Variants in PPARD observed in about 807,000 individuals in gnomAD.
PPARD encodes the protein peroxisome proliferator activated receptor delta, also known as peroxisome proliferator-activated receptor delta.
In PPARD, 6 loss-of-function variants were observed where a neutral mutation model predicts 39.5. That is an observed-to-expected ratio of 0.15 (90% CI 0.08 to 0.30). The LOEUF is 0.30. Among genes scored for constraint, PPARD ranks in the 10% least tolerant of loss-of-function variants. The pLI is 1.00. For missense variants in PPARD, 397 were observed against 596.8 expected, an observed-to-expected ratio of 0.67 and a Z score of 3.49; for synonymous variants, 210 against 231.3, an observed-to-expected ratio of 0.91 and a Z score of 0.83.
intron 2 of PPARD, among the ~76,000 whole-genome samples, chr6:35,365,030 G>A (rs1762127267): frequency 6.6e-6 from 1 of 151,310 alleles, no homozygotes; most frequent in East Asian, 2.0e-4. Context: ...TCGTTAGGCA[G>A]ATACCTGATA....
intron 2 of PPARD, among the ~76,000 whole-genome samples, chr6:35,385,111 G>C (rs1242944341): frequency 6.9e-6 from 1 of 145,758 alleles, no homozygotes; most frequent in Admixed American, 6.7e-5. Flanking sequence ...CCCTCTGCCC[G>C]GCCACCACCC....
At chr6:35,419,326 G>A (rs900876670) in intron 3 of PPARD, among the ~76,000 whole-genome samples, 1 of 152,158 alleles carries the variant, frequency 6.6e-6, no homozygotes, top group South Asian at 2.1e-4. Context: ...GATCATTTCC[G>A]AGTGTCCAAA....
At position 35,412,333 on chromosome 6, in the gene PPARD, CAG is replaced by C. The variant is rs1401328606; in HGVS notation, c.130+1117_130+1118del. ...CTCGCTCCTCCCCTTAGAGGGAACT[CAG>C]GGTCATAAGGATATACTGCTGGGAG... On this transcript the variant is annotated intron_variant, in intron 3 of 7. Transcript: ENST00000360694. The surrounding 1 kb of genome is among the most constrained non-coding windows in gnomAD (Gnocchi z 4.1). Among the ~76,000 whole-genome samples, 1 of 152,210 alleles carries C rather than the reference CAG, an allele frequency of 6.6e-6. No individual in the cohort carries two copies. The highest frequency in any genetic ancestry group is 1.5e-5 in the Non-Finnish European group (1 of 68,030).
chr6:35,374,534 T>C lies in PPARD; in HGVS notation c.-102+27384T>C, dbSNP rs540058047. ...TTAGCCGGGCATGGTGGCAGGCACC[T>C]GTAGTCCCAGCTACTCGGGAGGCTG... On this transcript the variant is annotated intron_variant, in intron 2 of 7. Transcript: ENST00000360694. Among the ~76,000 whole-genome samples, 14 of 151,728 alleles carry C rather than the reference T, an allele frequency of 9.2e-5. No homozygotes were observed. In the South Asian group the frequency reaches 2.9e-3, roughly 32 times the overall value.
chr6:35,401,541 A>G lies in PPARD; in HGVS notation c.-101-9446A>G, dbSNP rs1764693045. Among the ~76,000 whole-genome samples, 1 of 152,034 alleles carries G rather than the reference A, an allele frequency of 6.6e-6. No individual in the cohort carries two copies. The highest frequency in any genetic ancestry group is 1.5e-5 in the Non-Finnish European group (1 of 68,016). ...TCAAGACGCTGAGTGACCTCTAGCC[A>G]CAGCCCTTCTCTCTACCCACAGACA... On this transcript the variant is annotated intron_variant, in intron 2 of 7. Coordinates refer to ENST00000360694, the MANE Select transcript of PPARD (RefSeq NM_006238.5). This position sits in a 1 kb window ranked among gnomAD's most constrained non-coding sequence, Gnocchi z 4.1.
chr6:35,399,783 A>G (rs995618740), intron 2 of PPARD, among the ~76,000 whole-genome samples: 3 of 152,214 alleles, frequency 2.0e-5, no homozygotes, highest in Non-Finnish European at 4.4e-5. Flanking sequence ...CATGAGAATC[A>G]TGATCTTTAT....
At chr6:35,395,363 C>T (rs935563914) in intron 2 of PPARD, among the ~76,000 whole-genome samples, 10 of 152,312 alleles carry the variant, frequency 6.6e-5, no homozygotes, top group Middle Eastern at 3.4e-3. Flanking sequence ...GGGCCCCCTT[C>T]TATTTCCGTA....
chr6:35,353,524 A>G (rs558784355), intron 2 of PPARD, among the ~76,000 whole-genome samples: 11 of 152,352 alleles, frequency 7.2e-5, no homozygotes, highest in South Asian at 4.1e-4. Flanking sequence ...TTGTCAAAGC[A>G]CATAAAAAGT....
chr6:35,394,084 A>T (rs545997746), intron 2 of PPARD, among the ~76,000 whole-genome samples: 1 of 152,322 alleles, frequency 6.6e-6, no homozygotes, highest in East Asian at 1.9e-4. Context: ...AACATGAATA[A>T]AGGTATTTAT....
intron 2 of PPARD, among the ~76,000 whole-genome samples, chr6:35,387,107 T>A (rs1439108112): frequency 6.6e-6 from 1 of 152,112 alleles, no homozygotes; most frequent in African/African-American, 2.4e-5. Flanking sequence ...ATTTCCCCTT[T>A]GGCCCTAGGC....
At chr6:35,352,177 T>TTTTTGTTTTG (rs931325983) in intron 2 of PPARD, among the ~76,000 whole-genome samples, 2 of 151,444 alleles carry the variant, frequency 1.3e-5, no homozygotes, top group Non-Finnish European at 2.9e-5. Flanking sequence ...AGCCAGTTCT[T>TTTTTGTTTTG]TTTTGTTTTG....
rs2150519864 is a variant in PPARD at position 35,366,630 on chromosome 6, AC to A, written c.-102+19482del. On this transcript the variant is annotated intron_variant, in intron 2 of 7. Transcript: ENST00000360694. This position sits in a 1 kb window ranked among gnomAD's most constrained non-coding sequence, Gnocchi z 4.6. ...AGTGGCATGATCTCGGCTCACTGCA[AC>A]CTCTGCCTCCCGGGTTCAAGCAATT... is the stretch of plus-strand genomic sequence containing the variant. 6.6e-6 allele frequency among the ~76,000 whole-genome samples: 1 copy of A among 151,714 alleles called. No homozygotes were observed. The highest frequency in any genetic ancestry group is 2.1e-4 in the South Asian group (1 of 4,810).
rs200148132 is a variant in PPARD, at chr6:35,426,401, C to T, written c.*322C>T. On this transcript the variant is annotated 3_prime_UTR_variant, in exon 8 of 8. Transcript: ENST00000360694. ...GCCCTCCCTTTCTCTCTCCACCCCC[C>T]ACGTCTGTCCTCCTTTCTTATTCTG... The T allele has an allele frequency of 7.3e-6, 3 of 413,630 alleles. No homozygotes were observed. The highest frequency in any genetic ancestry group is 1.3e-5 in the Non-Finnish European group (3 of 226,330). The allele number at this position is 413,630 out of a possible 1,614,324, so 25.6% of individuals were successfully genotyped here.
intron 2 of PPARD, among the ~76,000 whole-genome samples, chr6:35,400,230 C>T (rs1293269525): frequency 6.6e-6 from 1 of 152,170 alleles, no homozygotes; most frequent in Non-Finnish European, 1.5e-5. Flanking sequence ...TCTCATGGGG[C>T]CTGCTGGCCA....
intron 3 of PPARD, among the ~76,000 whole-genome samples, chr6:35,415,150 G>T (rs1765668926): frequency 6.6e-6 from 1 of 152,184 alleles, no homozygotes; most frequent in Non-Finnish European, 1.5e-5. Flanking sequence ...CACTTGGTGG[G>T]CATCAGGCTG....
chr6:35,350,157 C>T (rs116048991), intron 2 of PPARD, among the ~76,000 whole-genome samples: 70 of 152,152 alleles, frequency 4.6e-4, no homozygotes, highest in Admixed American at 1.5e-3. Flanking sequence ...TGTTATTAAC[C>T]CCTTGTGAAA....
intron 4 of PPARD, among the ~76,000 whole-genome samples, chr6:35,421,538 C>T (rs148895228): frequency 0.015 from 2,236 of 151,414 alleles, 26 homozygotes; most frequent in Non-Finnish European, 0.018. Flanking sequence ...CGGGGTTTCA[C>T]CATGTTGGCC....
At chr6:35,345,058 T>A (rs1792091058) in intron 1 of PPARD, among the ~76,000 whole-genome samples, 1 of 152,196 alleles carries the variant, frequency 6.6e-6, no homozygotes, top group South Asian at 2.1e-4. Context: ...AGTTTGTTAC[T>A]TCTGGCCGTG....
intron 2 of PPARD, among the ~76,000 whole-genome samples, chr6:35,364,950 C>A (rs1762117606): frequency 6.6e-6 from 1 of 151,724 alleles, no homozygotes; most frequent in Admixed American, 6.6e-5. Flanking sequence ...ACCTTGTGAT[C>A]CACCCGCCTC....
Sources: gnomAD v4.1 joint callset for allele counts (sites outside exome capture counted in the v4.1 genomes callset) on GRCh38, gnomAD v4.1.1 for gene constraint, Gnocchi (gnomAD v3.1) non-coding constraint, MANE v1.5 for transcripts, NCBI Gene and HGNC (gene_info 2026-07-23, HGNC 2026-07-21) for gene names.